CYBRD1: variants seen among roughly 807,000 people sequenced by gnomAD.
CYBRD1 encodes the protein plasma membrane ascorbate-dependent reductase CYBRD1.
CYBRD1 carries 14 observed loss-of-function variants against 21.9 expected under a neutral mutation model. The observed-to-expected ratio is 0.64, with a 90% CI of 0.42 to 1.00. CYBRD1 has a LOEUF of 1.00. Ranked by LOEUF, CYBRD1 falls within the 50% of genes least tolerant of loss-of-function variation. The probability of loss-of-function intolerance (pLI) is 0.00; values close to 1 mark genes in which losing one functional copy is unlikely to be tolerated. For missense variants in CYBRD1, 328 were observed against 352.5 expected (o/e 0.93, Z 0.56); for synonymous variants, 146 against 136.5 (o/e 1.07, Z -0.48).
At position 171,522,656 on chromosome 2, in the gene CYBRD1, G is replaced by C; in HGVS notation, c.111G>C (p.Gly37=). ...ALVWVLHYRE[G]LGWDGSALEF... ...TCTGGGTCCTCCACTACCGAGAGGG[G>C]CTTGGCTGGGATGGGAGCGCACTAG... The change falls in exon 1 of 4, where the codon GGG becomes GGC. Residue 37 remains glycine, a synonymous_variant. Coordinates refer to ENST00000321348, the MANE Select transcript of CYBRD1 (RefSeq NM_024843.4). The surrounding 1 kb of genome is among the most constrained non-coding windows in gnomAD (Gnocchi z 4.3). 2 of 1,613,560 alleles carry C rather than the reference G, an allele frequency of 1.2e-6. No homozygotes were observed. The highest frequency in any genetic ancestry group is 1.7e-5 in the Admixed American group (1 of 60,022).
At position 171,541,683 on chromosome 2, in the gene CYBRD1, A is replaced by G; in HGVS notation, c.292A>G (p.Ile98Val). 8 of 1,613,898 alleles carry G rather than the reference A, an allele frequency of 5.0e-6. No individual in the cohort carries two copies. Among genetic ancestry groups the G allele is most frequent in the Non-Finnish European group, 6.8e-6 (8 of 1,179,990 alleles). ...AAATGCAGTTGCTGCCATTCTTGCA[A>G]TTATCTCTGTGGTGGCCGTGTTTGA... ...GLNAVAAILAIISVVAVFENH... is the reference protein window; with the variant it reads ...GLNAVAAILAVISVVAVFENH... The change falls in exon 2 of 4, where the codon ATT becomes GTT. Residue 98 changes from isoleucine (I) to valine (V), a missense_variant. Coordinates refer to ENST00000321348, the MANE Select transcript of CYBRD1 (RefSeq NM_024843.4).
intron 2 of CYBRD1, among the ~76,000 whole-genome samples, chr2:171,542,156 G>A (rs1017429925): frequency 2.6e-5 from 4 of 151,982 alleles, no homozygotes; most frequent in Admixed American, 1.3e-4. Flanking sequence ...GAGCCACCGC[G>A]CCCAGTGACT....
intron 1 of CYBRD1, among the ~76,000 whole-genome samples, chr2:171,528,746 G>A (rs745860318): frequency 7.9e-5 from 12 of 152,094 alleles, no homozygotes; most frequent in Non-Finnish European, 1.2e-4. Flanking sequence ...TATCAGATAG[G>A]CATGTCCAAA....
chr2:171,525,629 G>T (rs779589073), intron 1 of CYBRD1, among the ~76,000 whole-genome samples: 2 of 152,118 alleles, frequency 1.3e-5, no homozygotes, highest in Non-Finnish European at 2.9e-5. Context: ...CTCTAACAAA[G>T]AACACGATGT....
At position 171,557,587 on chromosome 2, in the gene CYBRD1, C is replaced by T. The variant is rs954805690; in HGVS notation, c.*2760C>T. ...CCTCTAAAGCACTTTCTTTCCTTTA[C>T]TTGCGTGGTTTCATGTAAGCTGTGC... On this transcript the variant is annotated 3_prime_UTR_variant, in exon 4 of 4. Transcript: ENST00000321348. 3 of 152,188 alleles carry T rather than the reference C, an allele frequency of 2.0e-5. No homozygotes were observed. The highest frequency in any genetic ancestry group is 4.4e-5 in the Non-Finnish European group (3 of 68,034). 9.4% of individuals were successfully genotyped at this position (152,188 alleles called of 1,614,324 possible). A position where few individuals can be genotyped will look rare whatever the true frequency, so the allele number is the denominator to read the frequency against.
chr2:171,526,860 T>G (rs1246833713), intron 1 of CYBRD1, among the ~76,000 whole-genome samples: 1 of 152,166 alleles, frequency 6.6e-6, no homozygotes, highest in African/African-American at 2.4e-5. Context: ...TGTGTAGAAC[T>G]CCTTTTATTG....
Position 171,541,540 on chromosome 2 carries a change from AAAAAC to A in CYBRD1, c.194-33_194-29del, listed in dbSNP as rs553302637. 2.0e-4 allele frequency: 318 copies of A among 1,583,834 alleles called. No homozygotes were observed. In the African/African-American group the frequency reaches 3.7e-3, roughly 19 times the overall value. On this transcript the variant is annotated intron_variant, in intron 1 of 3. Coordinates refer to ENST00000321348, the MANE Select transcript of CYBRD1 (RefSeq NM_024843.4). ...CAAACTGTTCATTTTGTGTTGTTTA[AAAAAC>A]AAAACAAAACACATTCTGTGTCCTT...
chr2:171,545,297 G>A (rs1221342821), intron 2 of CYBRD1, among the ~76,000 whole-genome samples: 2 of 151,614 alleles, frequency 1.3e-5, no homozygotes, highest in African/African-American at 2.4e-5. Flanking sequence ...TTGTGCAAAG[G>A]TTTTGTTTTT....
intron 1 of CYBRD1, among the ~76,000 whole-genome samples, chr2:171,523,733 T>TCA (rs10690489): frequency 0.63 from 95,672 of 151,968 alleles, 30,876 homozygotes; most frequent in East Asian, 0.85. Context: ...GTAGTGCCTC[T>TCA]CAATGTCCTG....
At chr2:171,539,302 G>T (rs1477111766) in intron 1 of CYBRD1, among the ~76,000 whole-genome samples, 2 of 152,052 alleles carry the variant, frequency 1.3e-5, no homozygotes, top group Non-Finnish European at 2.9e-5. Flanking sequence ...TGGGCAACAT[G>T]ATGGAATCCC....
intron 2 of CYBRD1, among the ~76,000 whole-genome samples, chr2:171,544,772 A>C (rs773095262): frequency 3.3e-5 from 5 of 152,182 alleles, no homozygotes; most frequent in Non-Finnish European, 5.9e-5. Flanking sequence ...TACAGAATTC[A>C]AGTGTGTAGA....
chr2:171,547,435 CT>C (rs35411294), intron 2 of CYBRD1, among the ~76,000 whole-genome samples: 44,053 of 136,816 alleles, frequency 0.32, 7,179 homozygotes, highest in East Asian at 0.66. Flanking sequence ...TTTGGGTGCT[CT>C]TTTTTTTTTT....
chr2:171,548,760 T>G (rs1697757479), intron 2 of CYBRD1, among the ~76,000 whole-genome samples: 1 of 144,624 alleles, frequency 6.9e-6, no homozygotes, highest in Non-Finnish European at 1.5e-5. Flanking sequence ...GTCTAAAAGC[T>G]TACACACACT....
At chr2:171,543,606 T>C (rs2105340934) in intron 2 of CYBRD1, among the ~76,000 whole-genome samples, 1 of 152,334 alleles carries the variant, frequency 6.6e-6, no homozygotes, top group South Asian at 2.1e-4. Flanking sequence ...TGAATCAATA[T>C]ATTGATTAAA....
intron 1 of CYBRD1, among the ~76,000 whole-genome samples, chr2:171,527,666 C>T (rs1483227659): frequency 1.3e-5 from 2 of 152,170 alleles, no homozygotes; most frequent in Non-Finnish European, 2.9e-5. Flanking sequence ...TCTGTACCTC[C>T]TCTTCCCTTC....
At chr2:171,535,048 A>G (rs1697525276) in intron 1 of CYBRD1, among the ~76,000 whole-genome samples, 1 of 152,176 alleles carries the variant, frequency 6.6e-6, no homozygotes, top group Non-Finnish European at 1.5e-5. Flanking sequence ...CTCAAAATAG[A>G]TGAATGAATA....
In CYBRD1 at chr2:171,556,314, G is replaced by C. The variant is rs1244761909; in HGVS notation, c.*1487G>C. The C allele has an allele frequency of 7.3e-6, 1 of 136,894 alleles. No homozygotes were observed. Among genetic ancestry groups the C allele is most frequent in the Non-Finnish European group, 1.6e-5 (1 of 63,164 alleles). 8.5% of individuals were successfully genotyped at this position (136,894 alleles called of 1,614,324 possible). A position where few individuals can be genotyped will look rare whatever the true frequency, so the allele number is the denominator to read the frequency against. ...TTCCTGATTTTTATGGAATTTTAGG[G>C]GATATTTTGAGCTTTGGGTTCTCAG... On this transcript the variant is annotated 3_prime_UTR_variant, in exon 4 of 4. Coordinates refer to ENST00000321348, the MANE Select transcript of CYBRD1 (RefSeq NM_024843.4).
chr2:171,524,633 A>G (rs1172130495), intron 1 of CYBRD1, among the ~76,000 whole-genome samples: 1 of 152,202 alleles, frequency 6.6e-6, no homozygotes, highest in Non-Finnish European at 1.5e-5. Context: ...TGAGGCAGAG[A>G]AGTTATGTAA....
chr2:171,554,467 G>C, intron 3 of CYBRD1, 57 bp from the exon 4 acceptor site: 2 of 1,578,214 alleles, frequency 1.3e-6, no homozygotes, highest in Non-Finnish European at 8.7e-7. Flanking sequence ...ATTCAAGACT[G>C]TTTTGCATGT....
Sources: gnomAD v4.1 joint callset for allele counts (sites outside exome capture counted in the v4.1 genomes callset) on GRCh38, gnomAD v4.1.1 for gene constraint, Gnocchi (gnomAD v3.1) non-coding constraint, MANE v1.5 for transcripts, NCBI Gene and HGNC (gene_info 2026-07-23, HGNC 2026-07-21) for gene names.